The following ROR1 variants were observed in gnomAD, a reference collection of about 807,000 sequenced individuals.
ROR1 encodes the protein inactive tyrosine-protein kinase transmembrane receptor ROR1.
A neutral mutation model predicts 78.8 loss-of-function variants in ROR1; 19 were observed. The ratio of observed to expected loss-of-function variants is 0.24; its 90% CI spans 0.17 to 0.35. The LOEUF (loss-of-function observed/expected upper bound fraction) is 0.35, where lower values mean the gene tolerates loss of function less well. ROR1 is among the 10% of genes least tolerant of loss of function. ROR1 has a pLI of 1.00. For synonymous variants in ROR1, 386 were observed against 433.6 expected, an observed-to-expected ratio of 0.89 and a Z score of 1.36; for missense variants, 917 against 1,177.8, an observed-to-expected ratio of 0.78 and a Z score of 3.24.
At chr1:64,096,224 T>G (rs1266569812) in intron 4 of ROR1, among the ~76,000 whole-genome samples, 1 of 152,176 alleles carries the variant, frequency 6.6e-6, no homozygotes, top group Non-Finnish European at 1.5e-5. Context: ...ATAAAGTCTT[T>G]TTTTTTTAAT....
At chr1:64,090,444 T>G (rs1647186627) in intron 4 of ROR1, among the ~76,000 whole-genome samples, 1 of 152,192 alleles carries the variant, frequency 6.6e-6, no homozygotes, top group Admixed American at 6.5e-5. Flanking sequence ...AAAAACTCTT[T>G]GATGCTCTGC....
At chr1:64,037,202 GGAAAGGGCAC>G (rs1646709355) in intron 2 of ROR1, among the ~76,000 whole-genome samples, 1 of 152,160 alleles carries the variant, frequency 6.6e-6, no homozygotes, top group African/African-American at 2.4e-5. Context: ...CCAGGTGCAA[GGAAAGGGCAC>G]ACAGACTCCA....
intron 1 of ROR1, among the ~76,000 whole-genome samples, chr1:63,909,216 A>G (rs533629822): frequency 6.6e-6 from 1 of 152,224 alleles, no homozygotes; most frequent in South Asian, 2.1e-4. Flanking sequence ...TTGAGCACGA[A>G]TACTTTTCCT....
chr1:64,159,257 C>A lies in ROR1; in HGVS notation c.1386+65C>A, dbSNP rs115674924. On this transcript the variant is annotated intron_variant, in intron 8 of 8. Transcript: ENST00000371079. ...TTCAAGTTAAAGCACCATGTTATAA[C>A]CCTCCCAAGCTTGGAAATCGAATGA... The A allele has an allele frequency of 6.4e-4, 779 of 1,219,356 alleles. 6 individuals are homozygous for A. In the African/African-American group the frequency reaches 0.011, roughly 17 times the overall value. The allele number at this position is 1,219,356 out of a possible 1,614,324, so 75.5% of individuals were successfully genotyped here. A position where few individuals can be genotyped will look rare whatever the true frequency, so the allele number is the denominator to read the frequency against.
intron 7 of ROR1, among the ~76,000 whole-genome samples, chr1:64,154,823 C>G (rs968185170): frequency 2.0e-5 from 3 of 152,172 alleles, no homozygotes; most frequent in Non-Finnish European, 1.5e-5. Context: ...TATTAAAAAT[C>G]TTCAACATTC....
At chr1:64,110,466 A>T (rs190656222) in intron 4 of ROR1, among the ~76,000 whole-genome samples, 6 of 152,262 alleles carry the variant, frequency 3.9e-5, no homozygotes, top group Non-Finnish European at 7.4e-5. Context: ...CCCTGAGGAC[A>T]GGCAGCTGGT....
Position 64,181,394 on chromosome 1 carries a change from G to A in ROR1, c.*2539G>A, listed in dbSNP as rs1372313512. On this transcript the variant is annotated 3_prime_UTR_variant, in exon 9 of 9. Coordinates refer to ENST00000371079, the MANE Select transcript of ROR1 (RefSeq NM_005012.4). ...AGCATTGAATTGTAATGACAAAAAG[G>A]CTATTTTATATTAAGGATATATGCA... is the stretch of plus-strand genomic sequence containing the variant. The A allele has an allele frequency of 1.3e-5, 2 of 152,016 alleles. No homozygotes were observed. The allele number at this position is 152,016 out of a possible 1,614,324, so 9.4% of individuals were successfully genotyped here. A position where few individuals can be genotyped will look rare whatever the true frequency, so the allele number is the denominator to read the frequency against.
chr1:63,808,329 C>A (rs1221846964), intron 1 of ROR1, among the ~76,000 whole-genome samples: 2 of 152,200 alleles, frequency 1.3e-5, no homozygotes, highest in Admixed American at 1.3e-4. Flanking sequence ...GATGGCAGAG[C>A]AACAAAGTGG....
intron 1 of ROR1, among the ~76,000 whole-genome samples, chr1:63,960,562 G>A (rs1248219794): frequency 6.6e-6 from 1 of 152,114 alleles, no homozygotes; most frequent in Non-Finnish European, 1.5e-5. Flanking sequence ...AAGATGAGCC[G>A]GAGACCTCAG....
At chr1:64,132,783 A>AG (rs1259956576) in intron 4 of ROR1, among the ~76,000 whole-genome samples, 28 of 136,724 alleles carry the variant, frequency 2.0e-4, no homozygotes, top group East Asian at 4.0e-4. Context: ...AAAAAAAAAA[A>AG]AGAGAGAGAG....
chr1:63,966,781 C>A (rs1426085401), intron 1 of ROR1, among the ~76,000 whole-genome samples: 1 of 152,200 alleles, frequency 6.6e-6, no homozygotes, highest in Non-Finnish European at 1.5e-5. Flanking sequence ...ACTGAGGGAA[C>A]TGGCATTGCA....
chr1:64,015,713 A>T (rs1280782237), intron 2 of ROR1, among the ~76,000 whole-genome samples: 6 of 152,134 alleles, frequency 3.9e-5, no homozygotes, highest in African/African-American at 1.4e-4. Context: ...GCTGATGAAC[A>T]GTCTTCCTAG....
intron 4 of ROR1, among the ~76,000 whole-genome samples, chr1:64,056,197 A>G (rs1213007564): frequency 6.6e-6 from 1 of 152,174 alleles, no homozygotes; most frequent in Non-Finnish European, 1.5e-5. Flanking sequence ...ACCTAGAAAT[A>G]GAATTCCTGG....
chr1:64,031,390 G>GGGT (rs1342993857), intron 2 of ROR1, among the ~76,000 whole-genome samples: 3 of 152,212 alleles, frequency 2.0e-5, no homozygotes, highest in Non-Finnish European at 2.9e-5. Flanking sequence ...TGCTGAAGGT[G>GGGT]GGTCCCAGCA....
At chr1:64,116,832 C>T (rs1481825636) in intron 4 of ROR1, among the ~76,000 whole-genome samples, 1 of 152,144 alleles carries the variant, frequency 6.6e-6, no homozygotes, top group Admixed American at 6.5e-5. Context: ...CTGACCACCC[C>T]AGCCTACGGT....
chr1:64,026,247 T>C (rs1646608661), intron 2 of ROR1, among the ~76,000 whole-genome samples: 1 of 152,218 alleles, frequency 6.6e-6, no homozygotes. Context: ...TCTAATCTTA[T>C]ACTCAGTAGC....
chr1:64,177,613 C>T lies in ROR1; in HGVS notation c.1572C>T (p.Ala524=). The T allele has an allele frequency of 6.2e-7, 1 of 1,614,208 alleles. No homozygotes were observed. The highest frequency in any genetic ancestry group is 8.5e-7 in the Non-Finnish European group (1 of 1,180,032). ...AATGGACGGAATTTCAACAAGAAGC[C>T]TCCCTAATGGCAGAACTGCACCACC... ...PQQWTEFQQE[A]SLMAELHHPN... Residue 524 remains alanine, a synonymous_variant, in exon 9 of 9, where the codon GCC becomes GCT. Transcript: ENST00000371079.
At chr1:64,093,168 G>A (rs997424620) in intron 4 of ROR1, among the ~76,000 whole-genome samples, 9 of 152,188 alleles carry the variant, frequency 5.9e-5, no homozygotes, top group Middle Eastern at 3.2e-3. Flanking sequence ...TGCATCTTGA[G>A]AGGATGTGTT....
intron 1 of ROR1, among the ~76,000 whole-genome samples, chr1:63,857,504 T>A (rs1208489240): frequency 6.6e-6 from 1 of 152,192 alleles, no homozygotes; most frequent in Non-Finnish European, 1.5e-5. Context: ...CCATGTTGGA[T>A]GTACTTAGAT....
Sources: allele counts gnomAD v4.1 joint callset (sites outside exome capture counted in the v4.1 genomes callset), GRCh38; gene constraint gnomAD v4.1.1; transcripts MANE v1.5; gene names NCBI Gene and HGNC (gene_info 2026-07-23, HGNC 2026-07-21).